The following ACTA2 variants were observed in gnomAD, a reference collection of about 807,000 sequenced individuals.
The protein encoded by ACTA2 is actin alpha 2, smooth muscle.
In ACTA2, 12 loss-of-function variants were observed where a neutral mutation model predicts 39.5. That is an observed-to-expected ratio of 0.30 (90% CI 0.19 to 0.49). The LOEUF (loss-of-function observed/expected upper bound fraction) is 0.49. ACTA2 is among the 20% of genes least tolerant of loss of function. The probability of loss-of-function intolerance (pLI) is 0.99; values close to 1 mark genes in which losing one functional copy is unlikely to be tolerated. For missense variants in ACTA2, 236 were observed against 498.8 expected (o/e 0.47, Z 5.02); for synonymous variants, 158 against 180.6 (o/e 0.88, Z 1.00).
chr10:88,949,938 C>G (rs140404713), intron 1 of ACTA2, among the ~76,000 whole-genome samples: 230 of 151,988 alleles, frequency 1.5e-3, no homozygotes, highest in African/African-American at 5.4e-3. Flanking sequence ...GGTAATAAAA[C>G]AAAATTTTAA....
At chr10:88,960,531 A>G (rs182204581) in intron 1 of ACTA2, among the ~76,000 whole-genome samples, 5 of 152,332 alleles carry the variant, frequency 3.3e-5, no homozygotes, top group African/African-American at 1.2e-4. Flanking sequence ...AGAAGGATAC[A>G]TATAGTGCTT....
In ACTA2 at chr10:88,935,213, G is replaced by C; in HGVS notation, c.*10C>G. ...TGTGTGCTAGAGACAGAGAGGAGCAGGAAAGTGTTTTAGAAGCATTTGCGG... is the reference window on the plus strand; with the variant it reads ...TGTGTGCTAGAGACAGAGAGGAGCACGAAAGTGTTTTAGAAGCATTTGCGG... On this transcript the variant is annotated 3_prime_UTR_variant, in exon 9 of 9. Transcript: ENST00000224784. 6.2e-7 allele frequency: 1 copy of C among 1,612,602 alleles called. No homozygotes were observed. Among genetic ancestry groups the C allele is most frequent in the Non-Finnish European group, 8.5e-7 (1 of 1,179,654 alleles).
rs1589439985 is a variant in ACTA2, at chr10:88,990,997, C to T, written c.-82G>A. ...CGGGCGCGGGACGCGTGCGGGATTGCGGCGGCAGCGGCGCACGCGGGCACC... is the reference window on the plus strand; with the variant it reads ...CGGGCGCGGGACGCGTGCGGGATTGTGGCGGCAGCGGCGCACGCGGGCACC... On this transcript the variant is annotated 5_prime_UTR_variant, in exon 1 of 5. Transcript: ENST00000415557. The surrounding 1 kb of genome is among the most constrained non-coding windows in gnomAD (Gnocchi z 4.9). 2 of 1,561,810 alleles carry T rather than the reference C, an allele frequency of 1.3e-6. No individual in the cohort carries two copies. The highest frequency in any genetic ancestry group is 1.7e-5 in the Admixed American group (1 of 57,998).
chr10:88,989,585 T>G (rs1370855146), intron 1 of ACTA2: 1 of 539,812 alleles, frequency 1.9e-6, no homozygotes, highest in South Asian at 1.4e-5. Context: ...TGGTGGTAAG[T>G]GCAGTGACAG....
At position 88,990,595 on chromosome 10, in the gene ACTA2, C is replaced by T. The variant is rs902017811; in HGVS notation, c.-24+344G>A. ...CCTCCCCAACCCGGGCGTTCCCCAG[C>T]GAGGCTTCCTTCCCATCCTCCTGAC... On this transcript the variant is annotated intron_variant, in intron 1 of 4. Transcript: ENST00000415557. The surrounding 1 kb of genome is among the most constrained non-coding windows in gnomAD (Gnocchi z 4.9). The T allele has an allele frequency of 1.5e-6, 1 of 675,300 alleles. No homozygotes were observed. Among genetic ancestry groups the T allele is most frequent in the South Asian group, 1.5e-5 (1 of 66,434 alleles). 41.8% of individuals were successfully genotyped at this position (675,300 alleles called of 1,614,324 possible). A position where few individuals can be genotyped will look rare whatever the true frequency, so the allele number is the denominator to read the frequency against.
At position 88,935,107 on chromosome 10, in the gene ACTA2, C is replaced by G; in HGVS notation, c.*116G>C. On this transcript the variant is annotated 3_prime_UTR_variant, in exon 9 of 9. Coordinates refer to ENST00000224784, the MANE Select transcript of ACTA2 (RefSeq NM_001613.4). Reference sequence around the variant, plus strand: ...AGCCTATTTCAGATTTATTAAAAAACACATAGGTAACGAGTCAGAGCTTTG... The same window carrying G: ...AGCCTATTTCAGATTTATTAAAAAAGACATAGGTAACGAGTCAGAGCTTTG... 2 of 1,441,148 alleles carry G rather than the reference C, an allele frequency of 1.4e-6. No homozygotes were observed. 89.3% of individuals were successfully genotyped at this position (1,441,148 alleles called of 1,614,324 possible). A position where few individuals can be genotyped will look rare whatever the true frequency, so the allele number is the denominator to read the frequency against.
At chr10:88,982,538 G>A (rs1027533712) in intron 1 of ACTA2, among the ~76,000 whole-genome samples, 1 of 152,178 alleles carries the variant, frequency 6.6e-6, no homozygotes, top group Non-Finnish European at 1.5e-5. Flanking sequence ...ATTCACTGAG[G>A]GGGGAATTCA....
chr10:88,961,848 A>T (rs1234969031), intron 1 of ACTA2, among the ~76,000 whole-genome samples: 1 of 152,192 alleles, frequency 6.6e-6, no homozygotes, highest in Non-Finnish European at 1.5e-5. Context: ...TTCAGTGAAA[A>T]TCACAAACCT....
chr10:88,991,318 C>G, exon 1 of ACTA2: 1 of 356,490 alleles, frequency 2.8e-6, no homozygotes, highest in Non-Finnish European at 5.3e-6. Context: ...TGGACAAGCC[C>G]TGACAAGCCA....
chr10:88,970,152 A>G (rs940143540), intron 1 of ACTA2, among the ~76,000 whole-genome samples: 2 of 152,118 alleles, frequency 1.3e-5, no homozygotes, highest in South Asian at 2.1e-4. Context: ...ATACCTAAAG[A>G]AAGGTTTTAC....
chr10:88,981,586 A>G, intron 1 of ACTA2, among the ~76,000 whole-genome samples: 1 of 152,180 alleles, frequency 6.6e-6, no homozygotes, highest in Non-Finnish European at 1.5e-5. Flanking sequence ...GACATTTCCC[A>G]ATTCAATCCA....
chr10:88,973,533 C>T, intron 1 of ACTA2: 1 of 426,582 alleles, frequency 2.3e-6, no homozygotes, highest in East Asian at 4.0e-5. Flanking sequence ...CACCTTGGCT[C>T]TGTTTGGGAT....
chr10:88,941,050 G>C (rs573911603), intron 6 of ACTA2, 179 bp downstream of exon 6: 3 of 730,720 alleles, frequency 4.1e-6, no homozygotes, highest in African/African-American at 1.7e-5. Flanking sequence ...CAAGGAAATA[G>C]TGTAATCATT....
intron 7 of ACTA2, 104 bp from the exon 8 acceptor site, chr10:88,938,346 G>C: frequency 7.8e-7 from 1 of 1,285,518 alleles, no homozygotes; most frequent in Non-Finnish European, 1.1e-6. Flanking sequence ...GTGGACTGAG[G>C]CTGGGAAGAC....
Position 88,939,586 on chromosome 10 carries a change from C to T in ACTA2, c.729G>A (p.Glu243=), listed in dbSNP as rs768077621. Residue 243 remains glutamate (E), a synonymous_variant, in exon 7 of 9, where the codon GAG becomes GAA. Transcript: ENST00000224784. ...ASSSSLEKSY[E]LPDGQVITIG... is the part of the protein sequence containing the mutation. ...TGGTGATCACTTGCCCATCAGGCAACTCGTAACTCTTCTCAAGGGAGGATG... is the reference window on the plus strand; with the variant it reads ...TGGTGATCACTTGCCCATCAGGCAATTCGTAACTCTTCTCAAGGGAGGATG... 1.1e-5 allele frequency: 17 copies of T among 1,614,016 alleles called. No homozygotes were observed. The highest frequency in any genetic ancestry group is 6.7e-5 in the East Asian group (3 of 44,864).
At chr10:88,963,785 C>T (rs1360337251) in intron 1 of ACTA2, among the ~76,000 whole-genome samples, 1 of 152,092 alleles carries the variant, frequency 6.6e-6, no homozygotes, top group Non-Finnish European at 1.5e-5. Flanking sequence ...AAACTAATAT[C>T]CGTGTTTGGC....
At position 88,943,848 on chromosome 10, in the gene ACTA2, C is replaced by T. The variant is rs1845900195; in HGVS notation, c.318G>A (p.Leu106=). The T allele has an allele frequency of 1.2e-6, 2 of 1,613,974 alleles. No individual in the cohort carries two copies. Among genetic ancestry groups the T allele is most frequent in the Middle Eastern group, 1.7e-4 (1 of 6,058 alleles). Residue 106 remains leucine (L), a synonymous_variant, in exon 4 of 9, where the codon CTG becomes CTA. Transcript: ENST00000224784. ...LRVAPEEHPT[L]LTEAPLNPKA... The stretch of plus-strand genomic sequence containing the variant: ...TGGGGTTCAGGGGTGCCTCCGTGAG[C>T]AGGGTGGGATGCTCTTCAGGGGCAA...
chr10:88,941,113 A>G (rs947036772), intron 6 of ACTA2, 116 bp downstream of exon 6: 24 of 1,295,164 alleles, frequency 1.9e-5, no homozygotes, highest in Middle Eastern at 4.7e-4. Context: ...CATTAGAGCC[A>G]GGCCTTGCCA....
chr10:88,968,594 A>C (rs1444145992), intron 1 of ACTA2, among the ~76,000 whole-genome samples: 3 of 152,192 alleles, frequency 2.0e-5, no homozygotes, highest in Non-Finnish European at 2.9e-5. Flanking sequence ...GCTTCTTTAG[A>C]GAAGTGGATG....
Sources: allele counts gnomAD v4.1 joint callset (sites outside exome capture counted in the v4.1 genomes callset), GRCh38; gene constraint gnomAD v4.1.1; non-coding constraint Gnocchi (gnomAD v3.1); transcripts MANE v1.5; gene names NCBI Gene and HGNC (gene_info 2026-07-23, HGNC 2026-07-21).